The following MMP16 variants were observed in gnomAD, a reference collection of about 807,000 sequenced individuals.
The protein encoded by MMP16 is matrix metallopeptidase 16, also known as matrix metalloproteinase-16.
Under a neutral mutation model 67.8 loss-of-function variants are expected in MMP16, and 12 were observed. The observed-to-expected ratio is 0.18, with a 90% CI of 0.11 to 0.29. MMP16 has a LOEUF of 0.29. MMP16 is among the 10% of genes least tolerant of loss of function. The probability of loss-of-function intolerance (pLI) is 1.00; values close to 1 mark genes in which losing one functional copy is unlikely to be tolerated. For missense variants in MMP16, 475 were observed against 765.7 expected (o/e 0.62, Z 4.48); for synonymous variants, 249 against 255.9 (o/e 0.97, Z 0.26).
chr8:88,103,919 T>G (rs2118387690), intron 6 of MMP16, among the ~76,000 whole-genome samples: 1 of 151,902 alleles, frequency 6.6e-6, no homozygotes, highest in Non-Finnish European at 1.5e-5. Flanking sequence ...GCACAGATTC[T>G]TACCTAATTG....
intron 1 of MMP16, among the ~76,000 whole-genome samples, chr8:88,227,429 A>G (rs139578759): frequency 2.5e-4 from 38 of 152,196 alleles, no homozygotes; most frequent in African/African-American, 8.9e-4. Flanking sequence ...CCCACATCTA[A>G]AAAGTATAGA....
chr8:88,059,571 T>C (rs1213548078), intron 7 of MMP16, among the ~76,000 whole-genome samples: 1 of 152,150 alleles, frequency 6.6e-6, no homozygotes, highest in Non-Finnish European at 1.5e-5. Flanking sequence ...TCATTTTCCA[T>C]ATTTAATGGA....
intron 4 of MMP16, among the ~76,000 whole-genome samples, chr8:88,122,484 T>C (rs887910101): frequency 2.6e-5 from 4 of 151,960 alleles, no homozygotes; most frequent in Non-Finnish European, 5.9e-5. Context: ...AATATTCACT[T>C]GTAGGTTAAA....
intron 1 of MMP16, among the ~76,000 whole-genome samples, chr8:88,257,680 G>A (rs28904591): frequency 2.3e-4 from 35 of 152,246 alleles, no homozygotes; most frequent in African/African-American, 7.7e-4. Context: ...TTATAAGCAT[G>A]GAGTATAAAC....
intron 8 of MMP16, among the ~76,000 whole-genome samples, chr8:88,052,073 T>C (rs1808278154): frequency 6.6e-6 from 1 of 152,196 alleles, no homozygotes; most frequent in Admixed American, 6.5e-5. Flanking sequence ...AGATTTCACA[T>C]GGACTCCTGC....
At position 88,037,017 on chromosome 8, in the gene MMP16, T is replaced by A. The variant is rs1234370512; in HGVS notation, c.*4444A>T. 6.6e-6 allele frequency: 1 copy of A among 151,480 alleles called. No homozygotes were observed. The highest frequency in any genetic ancestry group is 1.5e-5 in the Non-Finnish European group (1 of 67,714). 9.4% of individuals were successfully genotyped at this position (151,480 alleles called of 1,614,324 possible). A position where few individuals can be genotyped will look rare whatever the true frequency, so the allele number is the denominator to read the frequency against. On this transcript the variant is annotated 3_prime_UTR_variant, in exon 10 of 10. Coordinates refer to ENST00000286614, the MANE Select transcript of MMP16 (RefSeq NM_005941.5). The stretch of plus-strand genomic sequence containing the variant: ...TTAACTCAGTCTGTCTGTCTGCTTA[T>A]AACATCCATTCCTCTTCAGATAGCA...
chr8:88,265,051 C>G (rs1331246758), intron 1 of MMP16, among the ~76,000 whole-genome samples: 1 of 152,090 alleles, frequency 6.6e-6, no homozygotes, highest in Non-Finnish European at 1.5e-5. Flanking sequence ...ATGAGCTGAT[C>G]AAATATTTCC....
intron 6 of MMP16, among the ~76,000 whole-genome samples, chr8:88,093,532 C>G (rs959806140): frequency 6.6e-6 from 1 of 151,794 alleles, no homozygotes; most frequent in African/African-American, 2.4e-5. Context: ...GGCCAGCCAC[C>G]TTCCTGGCTA....
At chr8:88,088,098 T>TCTATATATCTATATAATAGATAC (rs1808872965) in intron 6 of MMP16, among the ~76,000 whole-genome samples, 1 of 141,750 alleles carries the variant, frequency 7.1e-6, no homozygotes, top group Admixed American at 6.9e-5. Context: ...ATAATAGATA[T>TCTATATATCTATATAATAGATAC]CTGCTGACTG....
intron 6 of MMP16, among the ~76,000 whole-genome samples, chr8:88,095,235 G>C (rs1460960615): frequency 6.6e-6 from 1 of 151,674 alleles, no homozygotes; most frequent in East Asian, 1.9e-4. Context: ...ATTTTTGCAA[G>C]TTTATTATAA....
chr8:88,327,005 A>T, intron 1 of MMP16, 70 bp downstream of exon 1: 1 of 1,595,810 alleles, frequency 6.3e-7, no homozygotes, highest in Non-Finnish European at 8.6e-7. Flanking sequence ...CAAGGATCCC[A>T]GGAGTGAAGG....
At chr8:88,159,831 T>C (rs1329960310) in intron 4 of MMP16, among the ~76,000 whole-genome samples, 3 of 152,162 alleles carry the variant, frequency 2.0e-5, no homozygotes, top group Non-Finnish European at 4.4e-5. Context: ...TTTGAGAGTT[T>C]TTAGCATGAA....
intron 7 of MMP16, among the ~76,000 whole-genome samples, chr8:88,064,175 A>G (rs1252255936): frequency 6.6e-6 from 1 of 152,136 alleles, no homozygotes; most frequent in Non-Finnish European, 1.5e-5. Flanking sequence ...GACAGAGTCC[A>G]CATGGTGCAC....
At chr8:88,214,200 T>C (rs1364423421) in intron 1 of MMP16, among the ~76,000 whole-genome samples, 3 of 152,112 alleles carry the variant, frequency 2.0e-5, no homozygotes, top group Non-Finnish European at 4.4e-5. Context: ...CATCCACGTC[T>C]CCATGGGCCT....
chr8:88,113,412 TGTGTA>T (rs1408160219), intron 6 of MMP16, among the ~76,000 whole-genome samples: 1 of 151,730 alleles, frequency 6.6e-6, no homozygotes, highest in Non-Finnish European at 1.5e-5. Flanking sequence ...GCTTCTAAAT[TGTGTA>T]GAGTTTGTAA....
At chr8:88,242,839 C>T (rs890177677) in intron 1 of MMP16, among the ~76,000 whole-genome samples, 4 of 152,156 alleles carry the variant, frequency 2.6e-5, no homozygotes, top group African/African-American at 9.7e-5. Context: ...AGTAGATAGA[C>T]AGGTGTTAAT....
chr8:88,224,729 A>G (rs13258253), intron 1 of MMP16, among the ~76,000 whole-genome samples: 3,623 of 151,212 alleles, frequency 0.024, 62 homozygotes, highest in Middle Eastern at 0.052. Context: ...AGATCTGTGG[A>G]AAAAAAAAGG....
intron 1 of MMP16, among the ~76,000 whole-genome samples, chr8:88,256,403 T>A (rs930478067): frequency 6.6e-6 from 1 of 152,226 alleles, no homozygotes; most frequent in African/African-American, 2.4e-5. Context: ...ACCTCCAATC[T>A]TAAATGATCC....
chr8:88,262,838 T>G (rs1447813712), intron 1 of MMP16, among the ~76,000 whole-genome samples: 1 of 13,822 alleles, frequency 7.2e-5, no homozygotes, highest in African/African-American at 1.6e-4. Flanking sequence ...CCGTCTCTAC[T>G]AAAAATACAA....
Sources: allele counts gnomAD v4.1 joint callset (sites outside exome capture counted in the v4.1 genomes callset), GRCh38; gene constraint gnomAD v4.1.1; transcripts MANE v1.5; gene names NCBI Gene and HGNC (gene_info 2026-07-23, HGNC 2026-07-21).